Variants in ACSS1 observed in about 807,000 individuals in gnomAD.
ACSS1 encodes the protein acyl-CoA synthetase short chain family member 1.
Under a neutral mutation model 75.3 loss-of-function variants are expected in ACSS1, and 42 were observed. The ratio of observed to expected loss-of-function variants is 0.56; its 90% CI spans 0.44 to 0.72. The LOEUF (loss-of-function observed/expected upper bound fraction) is 0.72. ACSS1 is among the 30% of genes least tolerant of loss of function. The probability of loss-of-function intolerance (pLI) is 0.00; values close to 1 mark genes in which losing one functional copy is unlikely to be tolerated. For missense variants in ACSS1, 782 were observed against 935.7 expected (o/e 0.84, Z 2.14); for synonymous variants, 380 against 376.8 (o/e 1.01, Z -0.10).
At chr20:25,051,063 G>A (rs1019456692) in intron 1 of ACSS1, among the ~76,000 whole-genome samples, 2 of 152,160 alleles carry the variant, frequency 1.3e-5, no homozygotes, top group African/African-American at 2.4e-5. Context: ...CCTGCTGACC[G>A]GGCCACATCT....
chr20:25,046,645 A>G (rs1367946845), intron 2 of ACSS1: 5 of 613,512 alleles, frequency 8.1e-6, no homozygotes, highest in Non-Finnish European at 1.5e-5. Context: ...GAACTACTCC[A>G]GGGGCAGCAG....
intron 7 of ACSS1, among the ~76,000 whole-genome samples, chr20:25,016,526 G>A (rs556111611): frequency 1.1e-4 from 16 of 152,244 alleles, no homozygotes; most frequent in African/African-American, 3.6e-4. Context: ...AAATACTCTC[G>A]TGCTGGTGGT....
At chr20:25,032,064 C>G (rs573273264) in intron 2 of ACSS1, among the ~76,000 whole-genome samples, 4 of 152,246 alleles carry the variant, frequency 2.6e-5, no homozygotes, top group African/African-American at 9.6e-5. Flanking sequence ...AAGCACCCTG[C>G]TTTCTCCCCA....
intron 11 of ACSS1, 39 bp from the exon 12 acceptor site, chr20:25,012,703 C>T: frequency 6.2e-7 from 1 of 1,613,880 alleles, no homozygotes; most frequent in Non-Finnish European, 8.5e-7. Flanking sequence ...AATGTGGCGG[C>T]CCCGGGTGCT....
chr20:25,011,142 C>T (rs763339946), intron 12 of ACSS1: 4 of 152,336 alleles, frequency 2.6e-5, no homozygotes, highest in Non-Finnish European at 5.9e-5. Context: ...GCTCCACACA[C>T]GCAGAACGTG....
chr20:25,038,009 AAG>A (rs1315497156), intron 2 of ACSS1, among the ~76,000 whole-genome samples: 2 of 152,232 alleles, frequency 1.3e-5, no homozygotes, highest in Non-Finnish European at 2.9e-5. Context: ...ACATTTAGCA[AAG>A]AGAAGCTGCC....
rs987610641 is a variant in ACSS1, at chr20:25,058,015, C to T, written c.88G>A (p.Gly30Arg). The T allele has an allele frequency of 5.0e-6, 7 of 1,406,050 alleles. No individual in the cohort carries two copies. The highest frequency in any genetic ancestry group is 6.4e-6 in the Non-Finnish European group (7 of 1,086,794). The allele number at this position is 1,406,050 out of a possible 1,614,324, so 87.1% of individuals were successfully genotyped here. A position where few individuals can be genotyped will look rare whatever the true frequency, so the allele number is the denominator to read the frequency against. ...LSGQPARPPCGVSAPRRAASG... is the reference protein window; with the variant it reads ...LSGQPARPPCRVSAPRRAASG... Reference sequence around the variant, plus strand: ...GCCGCCCTGCGCGGCGCGCTCACCCCGCACGGCGGCCGCGCGGGCTGCCCC... The same window carrying T: ...GCCGCCCTGCGCGGCGCGCTCACCCTGCACGGCGGCCGCGCGGGCTGCCCC... Residue 30 changes from glycine to arginine, a missense_variant, in exon 1 of 14, where the codon GGG becomes AGG. Gly to Arg is a moderately radical substitution (Grantham distance 125). This residue lies in a region of ACSS1 where 377 missense variants were observed against 383.1 expected (regional missense o/e 0.98). Coordinates refer to ENST00000323482, the MANE Select transcript of ACSS1 (RefSeq NM_032501.4).
intron 2 of ACSS1, chr20:25,032,784 G>A: frequency 2.4e-6 from 2 of 848,502 alleles, no homozygotes; most frequent in Non-Finnish European, 2.9e-6. Context: ...ATCACAGGCA[G>A]GGGCCTCAAG....
intron 2 of ACSS1, among the ~76,000 whole-genome samples, chr20:25,036,952 C>CAA (rs376184330): frequency 0.025 from 2,196 of 87,216 alleles, 28 homozygotes; most frequent in Admixed American, 0.036. Context: ...TAGACTCTGT[C>CAA]AAAAAAAAAA....
Position 25,009,289 on chromosome 20 carries a change from G to C in ACSS1, c.1871C>G (p.Ala624Gly). The change falls in exon 13 of 14, where the codon GCT (alanine) becomes GGT (glycine). Residue 624 changes from alanine (A) to glycine (G), a missense_variant. Transcript: ENST00000323482. The stretch of plus-strand genomic sequence containing the variant: ...ACTCACCAGGATCTCATCAGGCACA[G>C]CATATTTGGCGATCTTGGTGGCCAC... ...SMVATKIAKYAVPDEILVVKR... is the reference protein window; with the variant it reads ...SMVATKIAKYGVPDEILVVKR... The C allele has an allele frequency of 6.2e-7, 1 of 1,613,746 alleles. No individual in the cohort carries two copies. Among genetic ancestry groups the C allele is most frequent in the Non-Finnish European group, 8.5e-7 (1 of 1,179,596 alleles).
At chr20:25,053,997 G>A (rs971959495) in intron 1 of ACSS1, among the ~76,000 whole-genome samples, 3 of 152,282 alleles carry the variant, frequency 2.0e-5, no homozygotes, top group Admixed American at 1.3e-4. Context: ...ACAAAGGACA[G>A]AGCCAAATTT....
intron 13 of ACSS1, among the ~76,000 whole-genome samples, chr20:25,008,669 T>C (rs1408926892): frequency 1.3e-5 from 2 of 152,202 alleles, no homozygotes; most frequent in Non-Finnish European, 2.9e-5. Context: ...AATCCTCCCC[T>C]GATTCTGACC....
chr20:25,021,260 G>A (rs2088619250), intron 6 of ACSS1, 129 bp downstream of exon 6: 15 of 1,252,790 alleles, frequency 1.2e-5, no homozygotes, highest in Admixed American at 2.9e-5. Flanking sequence ...TCGACAGCAG[G>A]ACCTGGAGAG....
At chr20:25,053,520 A>C (rs1226315586) in intron 1 of ACSS1, among the ~76,000 whole-genome samples, 1 of 152,124 alleles carries the variant, frequency 6.6e-6, no homozygotes, top group Non-Finnish European at 1.5e-5. Context: ...CCTCGGGAGG[A>C]TCCTCCTCCT....
At position 25,023,016 on chromosome 20, in the gene ACSS1, G is replaced by A; in HGVS notation, c.884C>T (p.Ser295Leu). Residue 295 changes from serine (S) to leucine (L), a missense_variant, in exon 5 of 14, where the codon TCA (serine) becomes TTA (leucine). This residue lies in a region of ACSS1 where 405 missense variants were observed against 552.6 expected (regional missense o/e 0.73). Transcript: ENST00000323482. Reference sequence around the variant, plus strand: ...GCCCTTGGGCATTCCGGTGCTCCCTGAGGTGTACAGCATGAAGAGCATGTC... The same window carrying A: ...GCCCTTGGGCATTCCGGTGCTCCCTAAGGTGTACAGCATGAAGAGCATGTC... ...SEDMLFMLYT[S>L]GSTGMPKGIV... 6.2e-7 allele frequency: 1 copy of A among 1,614,134 alleles called. No homozygotes were observed. The highest frequency in any genetic ancestry group is 1.3e-5 in the African/African-American group (1 of 75,064).
intron 2 of ACSS1, among the ~76,000 whole-genome samples, chr20:25,042,904 C>G (rs1379463559): frequency 6.6e-6 from 1 of 152,178 alleles, no homozygotes; most frequent in Non-Finnish European, 1.5e-5. Context: ...CCACATGCCC[C>G]TCTCCACGCC....
intron 7 of ACSS1, among the ~76,000 whole-genome samples, chr20:25,019,532 A>C (rs1381904209): frequency 1.3e-5 from 2 of 152,168 alleles, no homozygotes; most frequent in Non-Finnish European, 2.9e-5. Flanking sequence ...TATTACTATT[A>C]TTTAGACGAC....
intron 10 of ACSS1, 108 bp downstream of exon 10, chr20:25,013,428 T>C: frequency 7.0e-7 from 1 of 1,420,186 alleles, no homozygotes; most frequent in Non-Finnish European, 9.4e-7. Flanking sequence ...CACCTATTCC[T>C]GGCCACAGTG....
intron 2 of ACSS1, 173 bp from the exon 3 acceptor site, chr20:25,031,131 T>A: frequency 1.4e-6 from 1 of 733,504 alleles, no homozygotes; most frequent in African/African-American, 1.7e-5. Flanking sequence ...AAAAGAAAAG[T>A]TTTTAACATT....
Sources: allele counts gnomAD v4.1 joint callset (sites outside exome capture counted in the v4.1 genomes callset), GRCh38; gene constraint gnomAD v4.1.1; regional missense constraint gnomAD v4.1.1; transcripts MANE v1.5; gene names NCBI Gene and HGNC (gene_info 2026-07-23, HGNC 2026-07-21).